Variants in GRIK4 observed in about 807,000 individuals in gnomAD.
The protein encoded by GRIK4 is glutamate receptor ionotropic, kainate 4.
Under a neutral mutation model 104.9 loss-of-function variants are expected in GRIK4, and 40 were observed. The observed-to-expected ratio is 0.38, with a 90% confidence interval of 0.30 to 0.50. The LOEUF (loss-of-function observed/expected upper bound fraction) is 0.50, where lower values mean the gene tolerates loss of function less well. GRIK4 is among the 20% of genes least tolerant of loss of function. The probability of loss-of-function intolerance (pLI) is 0.93; values close to 1 mark genes in which losing one functional copy is unlikely to be tolerated. For missense variants in GRIK4, 1,047 were observed against 1,308.1 expected, an observed-to-expected ratio of 0.80 and a Z score of 3.08; for synonymous variants, 485 against 524.9, an observed-to-expected ratio of 0.92 and a Z score of 1.04.
At chr11:120,645,443 C>G (rs1342657627) in intron 1 of GRIK4, among the ~76,000 whole-genome samples, 2 of 152,214 alleles carry the variant, frequency 1.3e-5, no homozygotes, top group African/African-American at 4.8e-5. Context: ...AATGAATGAA[C>G]AAATGGATGG....
intron 3 of GRIK4, among the ~76,000 whole-genome samples, chr11:120,772,237 A>G (rs1046820148): frequency 6.6e-6 from 1 of 152,182 alleles, no homozygotes; most frequent in Non-Finnish European, 1.5e-5. Flanking sequence ...CAAACAAAAA[A>G]CAAAAAAAAC....
rs530325483 is a variant in GRIK4, at chr11:120,662,110, G to A, written c.82+1710G>A. 3.3e-4 allele frequency among the ~76,000 whole-genome samples: 51 copies of A among 152,316 alleles called. 1 individual carries two copies. The South Asian group carries it at 0.01, about 31-fold the overall frequency. ...AGAATCAGTAGCACCTCATGGCCTCGCCTCTCCCGACACTTGTGCTCTGGG... is the reference window on the plus strand; with the variant it reads ...AGAATCAGTAGCACCTCATGGCCTCACCTCTCCCGACACTTGTGCTCTGGG... On this transcript the variant is annotated intron_variant, in intron 3 of 20. Coordinates refer to ENST00000527524, the MANE Select transcript of GRIK4 (RefSeq NM_014619.5).
chr11:120,834,300 G>GC (rs199908418), intron 7 of GRIK4, among the ~76,000 whole-genome samples: 2 of 149,028 alleles, frequency 1.3e-5, no homozygotes, highest in Non-Finnish European at 3.0e-5. Flanking sequence ...GTGTGTGTGT[G>GC]GCCATGCTTT....
chr11:120,869,019 C>T (rs571152026), intron 9 of GRIK4: 3 of 152,340 alleles, frequency 2.0e-5, no homozygotes, highest in Non-Finnish European at 2.9e-5. Context: ...GGATGGAGAT[C>T]TGAAACAAGG....
intron 1 of GRIK4, among the ~76,000 whole-genome samples, chr11:120,646,074 G>A (rs187490864): frequency 1.3e-5 from 2 of 152,296 alleles, no homozygotes; most frequent in Non-Finnish European, 1.5e-5. Context: ...CATTTGAGAG[G>A]CTTAATCCAT....
At chr11:120,560,206 G>A (rs919145608) in intron 1 of GRIK4, among the ~76,000 whole-genome samples, 8 of 151,992 alleles carry the variant, frequency 5.3e-5, no homozygotes, top group African/African-American at 9.7e-5. Flanking sequence ...GTGCCACCAC[G>A]CCCGGCTAAT....
At chr11:120,872,835 C>T (rs572374959) in intron 9 of GRIK4, 119 of 155,296 alleles carry the variant, frequency 7.7e-4, no homozygotes, top group Middle Eastern at 3.2e-3. Context: ...TTAGATGGCA[C>T]GTTCCTCAAG....
intron 3 of GRIK4, among the ~76,000 whole-genome samples, chr11:120,663,867 T>C (rs1457457680): frequency 6.6e-6 from 1 of 152,216 alleles, no homozygotes; most frequent in Non-Finnish European, 1.5e-5. Context: ...CTCTGCAAAG[T>C]CCTTTCCCGT....
intron 3 of GRIK4, among the ~76,000 whole-genome samples, chr11:120,750,340 C>T (rs1951526473): frequency 6.8e-6 from 1 of 146,270 alleles, no homozygotes; most frequent in Non-Finnish European, 1.5e-5. Flanking sequence ...GATCTACAAA[C>T]TAGAAATCTC....
chr11:120,635,878 T>C (rs1016258985), intron 1 of GRIK4, among the ~76,000 whole-genome samples: 3 of 152,238 alleles, frequency 2.0e-5, no homozygotes, highest in Non-Finnish European at 4.4e-5. Context: ...CACACCCTTA[T>C]AGCCAGCACC....
intron 3 of GRIK4, among the ~76,000 whole-genome samples, chr11:120,771,422 A>G (rs1355689546): frequency 6.6e-6 from 1 of 152,228 alleles, no homozygotes; most frequent in Non-Finnish European, 1.5e-5. Flanking sequence ...ATGAAACTGG[A>G]TATATGACTG....
At chr11:120,736,828 A>G (rs1001183405) in intron 3 of GRIK4, among the ~76,000 whole-genome samples, 19 of 151,448 alleles carry the variant, frequency 1.3e-4, no homozygotes, top group African/African-American at 4.1e-4. Flanking sequence ...CCTAGAAAGT[A>G]TGACCAAGAA....
chr11:120,639,449 C>A (rs942927251), intron 1 of GRIK4, among the ~76,000 whole-genome samples: 3 of 152,122 alleles, frequency 2.0e-5, no homozygotes, highest in Non-Finnish European at 4.4e-5. Context: ...GCTCACTATC[C>A]CTTGCTCCCT....
In GRIK4 at chr11:120,539,157, A is replaced by T. The variant is rs12275776; in HGVS notation, c.-159+27270A>T. Among the ~76,000 whole-genome samples the T allele has an allele frequency of 9.4e-3, 1,432 of 152,324 alleles. 33 individuals carry two copies. The highest frequency in any genetic ancestry group is 0.032 in the African/African-American group (1,342 of 41,572). Reference sequence around the variant, plus strand: ...GGGGAAGGTACCCCTCAAAGGGACCAGCTTGCTCCCTGTGGGAGGAGAGGA... The same window carrying T: ...GGGGAAGGTACCCCTCAAAGGGACCTGCTTGCTCCCTGTGGGAGGAGAGGA... On this transcript the variant is annotated intron_variant, in intron 1 of 20. Transcript: ENST00000527524.
intron 6 of GRIK4, among the ~76,000 whole-genome samples, chr11:120,829,845 A>G (rs1953374677): frequency 6.6e-6 from 1 of 152,198 alleles, no homozygotes; most frequent in East Asian, 1.9e-4. Context: ...GGCAGGGAGT[A>G]ACCTGGCAAC....
chr11:120,521,791 T>C (rs1231654612), intron 1 of GRIK4, among the ~76,000 whole-genome samples: 1 of 152,208 alleles, frequency 6.6e-6, no homozygotes, highest in Non-Finnish European at 1.5e-5. Context: ...AGAATCTTAT[T>C]CTTGAAGTAA....
At chr11:120,817,380 G>A (rs1197276670) in intron 5 of GRIK4, among the ~76,000 whole-genome samples, 4 of 152,146 alleles carry the variant, frequency 2.6e-5, no homozygotes, top group Middle Eastern at 3.2e-3. Flanking sequence ...ACGCTTACCC[G>A]CCTTTGTCTG....
At chr11:120,669,946 G>T (rs556064011) in intron 3 of GRIK4, among the ~76,000 whole-genome samples, 2 of 152,314 alleles carry the variant, frequency 1.3e-5, no homozygotes, top group Admixed American at 6.5e-5. Context: ...CAGAAACTCA[G>T]ATTTGCCATG....
chr11:120,562,979 G>A (rs149329441), intron 1 of GRIK4, among the ~76,000 whole-genome samples: 3 of 152,288 alleles, frequency 2.0e-5, no homozygotes, highest in African/African-American at 4.8e-5. Flanking sequence ...GAAGCATGAC[G>A]TCCAGTGGGC....
Sources: allele counts gnomAD v4.1 joint callset (sites outside exome capture counted in the v4.1 genomes callset), GRCh38; gene constraint gnomAD v4.1.1; transcripts MANE v1.5; gene names NCBI Gene and HGNC (gene_info 2026-07-23, HGNC 2026-07-21).